Variants in AGPAT3 observed in about 807,000 individuals in gnomAD.
The protein encoded by AGPAT3 is 1-acyl-sn-glycerol-3-phosphate acyltransferase gamma.
In AGPAT3, 5 loss-of-function variants were observed where a neutral mutation model predicts 47.3. That is an observed-to-expected ratio of 0.11 (90% confidence interval 0.06 to 0.22). AGPAT3 has a LOEUF of 0.22. AGPAT3 is among the 10% of genes least tolerant of loss of function. The probability of loss-of-function intolerance (pLI) is 1.00; values close to 1 mark genes in which losing one functional copy is unlikely to be tolerated. For synonymous variants in AGPAT3, 212 were observed against 208.3 expected, an observed-to-expected ratio of 1.02 and a Z score of -0.15; for missense variants, 315 against 493.0, an observed-to-expected ratio of 0.64 and a Z score of 3.42.
At chr21:43,891,255 T>C (rs2086097381) in intron 1 of AGPAT3, among the ~76,000 whole-genome samples, 1 of 152,252 alleles carries the variant, frequency 6.6e-6, no homozygotes, top group African/African-American at 2.4e-5. Flanking sequence ...ACTCTGGATC[T>C]TTGTTGTTAT....
chr21:43,879,767 G>A (rs1390953990), intron 1 of AGPAT3, among the ~76,000 whole-genome samples: 2 of 152,216 alleles, frequency 1.3e-5, no homozygotes, highest in Admixed American at 6.5e-5. Flanking sequence ...GGGCCGCCCG[G>A]GGATGATGGC....
chr21:43,961,859 G>A (rs1018934276), intron 3 of AGPAT3, among the ~76,000 whole-genome samples: 7 of 152,146 alleles, frequency 4.6e-5, no homozygotes, highest in South Asian at 2.1e-4. Flanking sequence ...TTCAGGAGCC[G>A]GTAGCACTGC....
intron 2 of AGPAT3, among the ~76,000 whole-genome samples, chr21:43,942,171 AC>A (rs2087679894): frequency 6.6e-6 from 1 of 152,174 alleles, no homozygotes; most frequent in South Asian, 2.1e-4. Flanking sequence ...AGCTTCCGGA[AC>A]CTGTGGGCTT....
intron 1 of AGPAT3, among the ~76,000 whole-genome samples, chr21:43,877,768 G>A (rs1009725064): frequency 2.6e-5 from 4 of 152,126 alleles, no homozygotes; most frequent in Admixed American, 6.5e-5. Flanking sequence ...CTTGGGATCT[G>A]GCTGAGGATA....
At chr21:43,931,704 G>C (rs2087251452) in intron 2 of AGPAT3, among the ~76,000 whole-genome samples, 2 of 152,156 alleles carry the variant, frequency 1.3e-5, no homozygotes, top group African/African-American at 2.4e-5. Flanking sequence ...ACTGTCGTCA[G>C]TATTCAGACA....
Position 43,969,299 on chromosome 21 carries a change from C to G in AGPAT3, c.510+20C>G, listed in dbSNP as rs372578427. The G allele has an allele frequency of 1.1e-5, 18 of 1,612,728 alleles. No homozygotes were observed. In the East Asian group the frequency reaches 3.8e-4, roughly 34 times the overall value. On this transcript the variant is annotated intron_variant, in intron 5 of 9. Coordinates refer to ENST00000291572, the MANE Select transcript of AGPAT3 (RefSeq NM_020132.5). Reference sequence around the variant, plus strand: ...ATGTGGGTGAGTGCGCGGAGCAGCCCGATACCCTGCATGCCTGGAGGAGGC... The same window carrying G: ...ATGTGGGTGAGTGCGCGGAGCAGCCGGATACCCTGCATGCCTGGAGGAGGC...
intron 1 of AGPAT3, among the ~76,000 whole-genome samples, chr21:43,877,979 C>A (rs1245170643): frequency 6.6e-6 from 1 of 152,036 alleles, no homozygotes; most frequent in East Asian, 1.9e-4. Flanking sequence ...CCACCAGCCT[C>A]GCTTTCGACT....
At chr21:43,883,152 G>A (rs1313678591) in intron 1 of AGPAT3, among the ~76,000 whole-genome samples, 1 of 152,232 alleles carries the variant, frequency 6.6e-6, no homozygotes, top group Non-Finnish European at 1.5e-5. Flanking sequence ...GGCCTGGGGA[G>A]CCTCCTGCCC....
At chr21:43,890,539 A>G (rs948121621) in intron 1 of AGPAT3, among the ~76,000 whole-genome samples, 1 of 151,612 alleles carries the variant, frequency 6.6e-6, no homozygotes, top group South Asian at 2.1e-4. Flanking sequence ...CAGCCTCCCA[A>G]GTAGCTGGGA....
chr21:43,961,353 C>T (rs148608179), intron 3 of AGPAT3, among the ~76,000 whole-genome samples: 35 of 150,168 alleles, frequency 2.3e-4, no homozygotes, highest in African/African-American at 6.6e-4. Flanking sequence ...AAACGGTAAG[C>T]GCGTAGACAC....
intron 2 of AGPAT3, among the ~76,000 whole-genome samples, chr21:43,957,287 G>A (rs2088520727): frequency 6.6e-6 from 1 of 152,178 alleles, no homozygotes; most frequent in Admixed American, 6.5e-5. Flanking sequence ...CCTTGCTCTG[G>A]GTGCAAGAAT....
chr21:43,982,315 G>A lies in AGPAT3; in HGVS notation c.1054G>A (p.Val352Ile). The change falls in exon 10 of 10, where the codon GTT becomes ATT. Residue 352 changes from valine to isoleucine, a missense_variant. Coordinates refer to ENST00000291572, the MANE Select transcript of AGPAT3 (RefSeq NM_020132.5). The surrounding 1 kb of genome is among the most constrained non-coding windows in gnomAD (Gnocchi z 6.2). ...TCCTGTCTTGAAAGCTTCCTTTGGA[G>A]TTCGCAGACTGATAGGAGTAACTGA... ...LGFVGAASFG[V>I]RRLIGVTEIE... The A allele has an allele frequency of 6.2e-7, 1 of 1,613,498 alleles. No individual in the cohort carries two copies. The highest frequency in any genetic ancestry group is 8.5e-7 in the Non-Finnish European group (1 of 1,179,716).
chr21:43,962,005 T>C (rs549669262), intron 3 of AGPAT3, among the ~76,000 whole-genome samples: 13 of 145,752 alleles, frequency 8.9e-5, no homozygotes, highest in Non-Finnish European at 1.4e-4. Flanking sequence ...TTTTTTCTCT[T>C]TTTTTTTTTT....
At position 43,945,784 on chromosome 21, in the gene AGPAT3, G is replaced by T. The variant is rs139685571; in HGVS notation, c.-48-13850G>T. Among the ~76,000 whole-genome samples, 53 of 152,270 alleles carry T rather than the reference G, an allele frequency of 3.5e-4. 1 individual carries two copies. The East Asian group carries it at 9.2e-3, about 27-fold the overall frequency. ...GAATGACAGATGTGGCATTTCAATC[G>T]GTAAATAATGAGTACACCTTTAAGG... On this transcript the variant is annotated intron_variant, in intron 2 of 9. Coordinates refer to ENST00000291572, the MANE Select transcript of AGPAT3 (RefSeq NM_020132.5).
At chr21:43,949,369 G>A (rs2088071523) in intron 2 of AGPAT3, among the ~76,000 whole-genome samples, 1 of 152,226 alleles carries the variant, frequency 6.6e-6, no homozygotes, top group Non-Finnish European at 1.5e-5. Flanking sequence ...GTCAGCTAGA[G>A]CTGCCTGGAG....
chr21:43,971,304 C>A, intron 6 of AGPAT3, 84 bp from the exon 7 acceptor site: 1 of 1,231,468 alleles, frequency 8.1e-7, no homozygotes, highest in Non-Finnish European at 1.2e-6. Flanking sequence ...GGGGCCGGGT[C>A]CCAGGTGGAA....
chr21:43,896,110 G>A (rs1246574740), intron 1 of AGPAT3, among the ~76,000 whole-genome samples: 2 of 152,078 alleles, frequency 1.3e-5, no homozygotes, highest in Admixed American at 1.3e-4. Flanking sequence ...CACCATGCTG[G>A]CCAGGCTGGT....
At chr21:43,946,919 G>C (rs1465430516) in intron 2 of AGPAT3, 3 of 152,284 alleles carry the variant, frequency 2.0e-5, no homozygotes, top group Admixed American at 6.5e-5. Flanking sequence ...CCGCAGACTT[G>C]TCACAGGTCC....
rs767601377 is a variant in AGPAT3 at position 43,889,874 on chromosome 21, T to A, written c.-111-14083T>A. On this transcript the variant is annotated intron_variant, in intron 1 of 9. Transcript: ENST00000291572. Reference sequence around the variant, plus strand: ...GGTCTGCTTCGACGTGAATGGCTGCTGAGCACTCAGGGAGGTGGTTGCTGA... The same window carrying A: ...GGTCTGCTTCGACGTGAATGGCTGCAGAGCACTCAGGGAGGTGGTTGCTGA... Among the ~76,000 whole-genome samples the A allele has an allele frequency of 6.6e-5, 10 of 152,366 alleles. No individual in the cohort carries two copies. In the South Asian group the frequency reaches 1.5e-3, roughly 22 times the overall value.
Sources: gnomAD v4.1 joint callset for allele counts (sites outside exome capture counted in the v4.1 genomes callset) on GRCh38, gnomAD v4.1.1 for gene constraint, Gnocchi (gnomAD v3.1) non-coding constraint, MANE v1.5 for transcripts, NCBI Gene and HGNC (gene_info 2026-07-23, HGNC 2026-07-21) for gene names.